Variants in CCDC7 observed in about 807,000 individuals in gnomAD.
CCDC7 encodes coiled-coil domain containing 7.
CCDC7 carries 183 observed loss-of-function variants against 196.9 expected under a neutral mutation model. The ratio of observed to expected loss-of-function variants is 0.93; its 90% CI spans 0.82 to 1.05. The LOEUF is 1.05. CCDC7 is among the 50% of genes least tolerant of loss of function. CCDC7 has a pLI of 0.00. For missense variants in CCDC7, 1,540 were observed against 1,482.2 expected (o/e 1.04, Z -0.64); for synonymous variants, 525 against 484.6 (o/e 1.08, Z -1.10).
At chr10:32,598,401 G>T (rs1201932232) in intron 18 of CCDC7, among the ~76,000 whole-genome samples, 5 of 152,194 alleles carry the variant, frequency 3.3e-5, no homozygotes, top group Admixed American at 2.6e-4. Flanking sequence ...GGTACCATCT[G>T]TCATGGCTTC....
intron 24 of CCDC7, among the ~76,000 whole-genome samples, chr10:32,705,010 G>A (rs747885241): frequency 3.9e-5 from 6 of 152,038 alleles, no homozygotes; most frequent in African/African-American, 1.4e-4. Flanking sequence ...AGTGCGCTGC[G>A]CCCACTGTCC....
intron 20 of CCDC7, among the ~76,000 whole-genome samples, chr10:32,641,241 GA>G (rs753146652): frequency 1.3e-5 from 2 of 152,198 alleles, no homozygotes; most frequent in Non-Finnish European, 2.9e-5. Context: ...ATATCCTGAA[GA>G]GTGTTTTCCA....
At position 32,488,686 on chromosome 10, in the gene CCDC7, A is replaced by G. The variant is rs538332130; in HGVS notation, c.797-3236A>G. ...TCTGTATGATTTCTATCACTCTGTT[A>G]AACTTCTCATTTTGTTCGTGTATTG... On this transcript the variant is annotated intron_variant, in intron 8 of 41. Coordinates refer to ENST00000639629, the Ensembl canonical transcript of CCDC7. Among the ~76,000 whole-genome samples, 24 of 152,284 alleles carry G rather than the reference A, an allele frequency of 1.6e-4. No individual in the cohort carries two copies. The South Asian group carries it at 5.0e-3, about 32-fold the overall frequency.
intron 11 of CCDC7, among the ~76,000 whole-genome samples, chr10:32,528,458 G>A (rs1589552031): frequency 6.8e-6 from 1 of 147,670 alleles, no homozygotes; most frequent in Non-Finnish European, 1.5e-5. Flanking sequence ...TTATGCCTTT[G>A]CATCCTCATA....
chr10:32,555,107 T>G (rs774327009), intron 13 of CCDC7, among the ~76,000 whole-genome samples: 2 of 152,232 alleles, frequency 1.3e-5, no homozygotes, highest in Non-Finnish European at 2.9e-5. Flanking sequence ...GATGGACACT[T>G]ACATTGCTTC....
chr10:32,607,065 C>T (rs890512353), intron 18 of CCDC7, among the ~76,000 whole-genome samples: 2 of 152,094 alleles, frequency 1.3e-5, no homozygotes, highest in Non-Finnish European at 2.9e-5. Context: ...GGCTTGGTGC[C>T]GTTCTCACAA....
intron 13 of CCDC7, among the ~76,000 whole-genome samples, chr10:32,560,999 A>C (rs1330926798): frequency 7.3e-5 from 11 of 151,658 alleles, no homozygotes; most frequent in Non-Finnish European, 1.5e-4. Flanking sequence ...GCAAAACAAA[A>C]AAAAAGGCAG....
chr10:32,819,417 A>G (rs9731060), intron 31 of CCDC7, among the ~76,000 whole-genome samples: 21,010 of 152,238 alleles, frequency 0.14, 1,747 homozygotes, highest in East Asian at 0.25. Context: ...TCCTTCTGAA[A>G]CTATTCCAAC....
chr10:32,465,409 C>G (rs1342276147), intron 5 of CCDC7, among the ~76,000 whole-genome samples: 2 of 151,018 alleles, frequency 1.3e-5, no homozygotes, highest in South Asian at 2.1e-4. Flanking sequence ...CATATGGTTC[C>G]CAGTAAGTTG....
At position 32,775,606 on chromosome 10, in the gene CCDC7, A is replaced by G. The variant is rs578006207; in HGVS notation, c.2906-3371A>G. ...GCTTTTCCATGGTCCTAGATCATAG[A>G]GAGATACATTGGTGGGTAAATTATC... is the stretch of plus-strand genomic sequence containing the variant. On this transcript the variant is annotated intron_variant, in intron 28 of 41. Transcript: ENST00000639629. Among the ~76,000 whole-genome samples, 228 of 152,294 alleles carry G rather than the reference A, an allele frequency of 1.5e-3. 2 individuals carry two copies. The highest frequency in any genetic ancestry group is 5.2e-3 in the African/African-American group (217 of 41,572).
chr10:32,858,980 C>T (rs889101206), intron 41 of CCDC7, among the ~76,000 whole-genome samples: 1 of 152,144 alleles, frequency 6.6e-6, no homozygotes, highest in Non-Finnish European at 1.5e-5. Context: ...GAGACTTTAA[C>T]AACCCCGTGT....
At chr10:32,792,630 A>T (rs530039399) in intron 29 of CCDC7, among the ~76,000 whole-genome samples, 1 of 152,118 alleles carries the variant, frequency 6.6e-6, no homozygotes, top group African/African-American at 2.4e-5. Flanking sequence ...GTGAAACCCC[A>T]TCTCTACTAA....
At chr10:32,456,771 A>G (rs567302418) in intron 3 of CCDC7, among the ~76,000 whole-genome samples, 70 of 152,278 alleles carry the variant, frequency 4.6e-4, no homozygotes, top group African/African-American at 1.6e-3. Context: ...TCAATTAGCT[A>G]TGAGTAAAAT....
chr10:32,792,124 G>GA, intron 29 of CCDC7, among the ~76,000 whole-genome samples: 1 of 152,176 alleles, frequency 6.6e-6, no homozygotes, highest in African/African-American at 2.4e-5. Flanking sequence ...AGAAATAAAG[G>GA]AAAAATAATC....
rs563869009 is a variant in CCDC7, at chr10:32,585,863, G to C, written c.1801+1559G>C. 1.7e-4 allele frequency among the ~76,000 whole-genome samples: 26 copies of C among 152,270 alleles called. No individual in the cohort carries two copies. The South Asian group carries it at 2.5e-3, about 15-fold the overall frequency. On this transcript the variant is annotated intron_variant, in intron 18 of 41. Coordinates refer to ENST00000639629, the Ensembl canonical transcript of CCDC7. Reference sequence around the variant, plus strand: ...TGTGCATGTGTCTTTATAGTAAAATGATTTAGAATGCTTTGGGTATATACC... The same window carrying C: ...TGTGCATGTGTCTTTATAGTAAAATCATTTAGAATGCTTTGGGTATATACC...
intron 18 of CCDC7, among the ~76,000 whole-genome samples, chr10:32,622,358 G>T (rs78045000): frequency 0.034 from 5,173 of 151,960 alleles, 299 homozygotes; most frequent in African/African-American, 0.12. Context: ...TGTATAAATA[G>T]ATTTGTGTTT....
chr10:32,698,180 C>A (rs2078044334), intron 24 of CCDC7, among the ~76,000 whole-genome samples: 1 of 152,152 alleles, frequency 6.6e-6, no homozygotes, highest in African/African-American at 2.4e-5. Context: ...ACATCCACAA[C>A]AAAACCCATT....
chr10:32,726,672 C>A (rs1592094434), intron 25 of CCDC7, 62 bp from the exon 27 acceptor site: 4 of 918,280 alleles, frequency 4.4e-6, no homozygotes, highest in Non-Finnish European at 6.7e-6. Flanking sequence ...AGAGATTTCA[C>A]AATAGATTTG....
At chr10:32,658,816 C>G (rs2070569883) in intron 20 of CCDC7, among the ~76,000 whole-genome samples, 1 of 152,034 alleles carries the variant, frequency 6.6e-6, no homozygotes, top group Non-Finnish European at 1.5e-5. Flanking sequence ...TACATTTGTT[C>G]TAGATTATTC....
Sources: gnomAD v4.1 joint callset for allele counts (sites outside exome capture counted in the v4.1 genomes callset) on GRCh38, gnomAD v4.1.1 for gene constraint, MANE v1.5 for transcripts, NCBI Gene and HGNC (gene_info 2026-07-23, HGNC 2026-07-21) for gene names.